ABCA13: variants seen among roughly 807,000 people sequenced by gnomAD.
ABCA13 encodes ATP-binding cassette sub-family A member 13.
Under a neutral mutation model 478.7 loss-of-function variants are expected in ABCA13, and 476 were observed. The ratio of observed to expected loss-of-function variants is 0.99; its 90% CI spans 0.92 to 1.07. The LOEUF (loss-of-function observed/expected upper bound fraction) is 1.07, where lower values mean the gene tolerates loss of function less well. Ranked by LOEUF, ABCA13 falls within the 50% of genes least tolerant of loss-of-function variation. ABCA13 has a pLI of 0.00. For missense variants in ABCA13, 6,060 were observed against 5,910.6 expected (o/e 1.03, Z -0.83); for synonymous variants, 2,252 against 2,158.9 (o/e 1.04, Z -1.20).
At chr7:48,195,962 G>A (rs1348938340) in intron 2 of ABCA13, among the ~76,000 whole-genome samples, 1 of 151,684 alleles carries the variant, frequency 6.6e-6, no homozygotes, top group African/African-American at 2.4e-5. Context: ...CAAAGGGAGT[G>A]AAAAAAGGGA....
At chr7:48,234,545 A>G (rs1444226649) in intron 8 of ABCA13, among the ~76,000 whole-genome samples, 1 of 152,098 alleles carries the variant, frequency 6.6e-6, no homozygotes, top group Non-Finnish European at 1.5e-5. Context: ...AGGTAAAGAG[A>G]TAGTTTTCAT....
At chr7:48,505,290 C>T (rs1017166843) in intron 48 of ABCA13, among the ~76,000 whole-genome samples, 8 of 152,074 alleles carry the variant, frequency 5.3e-5, no homozygotes, top group African/African-American at 1.4e-4. Flanking sequence ...GATGCCTGGT[C>T]GCAAAGCTGT....
At chr7:48,244,784 C>T (rs1389536891) in intron 11 of ABCA13, 81 bp downstream of exon 11, 4 of 1,480,508 alleles carry the variant, frequency 2.7e-6, no homozygotes, top group African/African-American at 1.4e-5. Flanking sequence ...TTGAAACTGC[C>T]TGACACATTG....
intron 59 of ABCA13, among the ~76,000 whole-genome samples, chr7:48,621,755 G>T (rs1793160132): frequency 6.6e-6 from 1 of 152,156 alleles, no homozygotes; most frequent in South Asian, 2.1e-4. Flanking sequence ...CCAAATTAAA[G>T]TTTAAAGAAT....
chr7:48,546,884 A>T (rs902855343), intron 55 of ABCA13, among the ~76,000 whole-genome samples: 2 of 151,764 alleles, frequency 1.3e-5, no homozygotes, highest in African/African-American at 4.8e-5. Flanking sequence ...ACTAATATGA[A>T]TCACAAATTA....
intron 1 of ABCA13, among the ~76,000 whole-genome samples, chr7:48,182,641 A>G (rs1795840783): frequency 6.6e-6 from 1 of 152,220 alleles, no homozygotes; most frequent in Admixed American, 6.5e-5. Context: ...TAGAAAGCCA[A>G]AAAACAACCC....
intron 58 of ABCA13, among the ~76,000 whole-genome samples, chr7:48,599,923 AAG>A (rs1585935076): frequency 5.9e-5 from 1 of 16,836 alleles, no homozygotes; most frequent in South Asian, 1.3e-3. Context: ...TATATACAGC[AAG>A]TCAGCAAGTT....
intron 41 of ABCA13, among the ~76,000 whole-genome samples, chr7:48,421,337 T>C (rs1464100808): frequency 6.6e-6 from 1 of 152,252 alleles, no homozygotes; most frequent in African/African-American, 2.4e-5. Flanking sequence ...ATTTTTCTAA[T>C]TCCATCATTC....
At chr7:48,299,795 G>A (rs1799895767) in intron 23 of ABCA13, among the ~76,000 whole-genome samples, 1 of 152,134 alleles carries the variant, frequency 6.6e-6, no homozygotes, top group African/African-American at 2.4e-5. Context: ...TTCTATTATG[G>A]GAGGGCTGTG....
intron 51 of ABCA13, among the ~76,000 whole-genome samples, chr7:48,511,664 G>A (rs1318695937): frequency 2.6e-5 from 4 of 151,888 alleles, no homozygotes; most frequent in Non-Finnish European, 5.9e-5. Flanking sequence ...AATAGCAAAT[G>A]GAGAAAAGTC....
intron 42 of ABCA13, among the ~76,000 whole-genome samples, chr7:48,453,052 C>G (rs930001185): frequency 6.6e-6 from 1 of 152,096 alleles, no homozygotes; most frequent in Admixed American, 6.5e-5. Context: ...AGTTTAATGA[C>G]ATACTTTTTT....
rs571704298 is a variant in ABCA13 at position 48,295,726 on chromosome 7, G to T, written c.8982G>T (p.Pro2994=). 6.2e-7 allele frequency: 1 copy of T among 1,613,998 alleles called. No homozygotes were observed. The highest frequency in any genetic ancestry group is 1.3e-5 in the African/African-American group (1 of 75,038). Residue 2994 remains proline, a synonymous_variant, in exon 21 of 62, where the codon CCG becomes CCT. Transcript: ENST00000435803. ...FQEIEKIWSS[P]NQLNCESLSK... ...AAATTGAAAAGATATGGTCCTCGCC[G>T]AATCAGCTAAATTGTGAAAGTCTTA... is the stretch of plus-strand genomic sequence containing the variant.
chr7:48,272,723 G>A lies in ABCA13; in HGVS notation c.3057G>A (p.Glu1019=), dbSNP rs1189679366. 1.2e-6 allele frequency: 2 copies of A among 1,610,768 alleles called. No homozygotes were observed. Among genetic ancestry groups the A allele is most frequent in the Non-Finnish European group, 8.5e-7 (1 of 1,178,020 alleles). Reference sequence around the variant, plus strand: ...TTGCATTTTTATTTAAGACAGCAGAGGTTCTTGGGGGAATTTCTAATGTAT... The same window carrying A: ...TTGCATTTTTATTTAAGACAGCAGAAGTTCTTGGGGGAATTTCTAATGTAT... ...KAFAFLFKTA[E]VLGGISNVSY... is the part of the protein sequence containing the mutation. Residue 1019 remains glutamate, a synonymous_variant, in exon 17 of 62, where the codon GAG becomes GAA. Transcript: ENST00000435803.
At chr7:48,322,839 T>G (rs1367691292) in intron 27 of ABCA13, among the ~76,000 whole-genome samples, 1 of 152,144 alleles carries the variant, frequency 6.6e-6, no homozygotes, top group East Asian at 1.9e-4. Flanking sequence ...ACCAAATCCC[T>G]CATTTTGTCC....
intron 59 of ABCA13, among the ~76,000 whole-genome samples, chr7:48,639,289 TCTC>T (rs1426111194): frequency 6.6e-5 from 10 of 152,166 alleles, no homozygotes; most frequent in Non-Finnish European, 1.3e-4. Flanking sequence ...AGTGCCATCC[TCTC>T]CTCCTCTTCA....
chr7:48,289,008 C>T (rs1031657555), intron 20 of ABCA13, among the ~76,000 whole-genome samples: 1 of 152,090 alleles, frequency 6.6e-6, no homozygotes, highest in Admixed American at 6.6e-5. Flanking sequence ...TTTTGTGATC[C>T]ATATTATCTG....
chr7:48,352,422 G>C lies in ABCA13; in HGVS notation c.10623G>C (p.Gly3541=). 6.2e-7 allele frequency: 1 copy of C among 1,613,240 alleles called. No homozygotes were observed. The highest frequency in any genetic ancestry group is 1.1e-5 in the South Asian group (1 of 90,998). The change falls in exon 31 of 62, where the codon GGG becomes GGC. Residue 3541 remains glycine, a synonymous_variant. Coordinates refer to ENST00000435803, the MANE Select transcript of ABCA13 (RefSeq NM_152701.5). ...IERAIILVQT[G]QEALEPAAQT... ...GAGCCATCATTTTGGTGCAGACTGG[G>C]CAGGAAGCCCTGGAACCAGCAGCAC...
chr7:48,389,918 A>G (rs1352017145), intron 37 of ABCA13, among the ~76,000 whole-genome samples: 4 of 152,258 alleles, frequency 2.6e-5, no homozygotes, highest in Non-Finnish European at 5.9e-5. Context: ...AGTTAAAACA[A>G]TGAAGAGGGC....
chr7:48,472,327 T>A (rs1177045744), intron 45 of ABCA13, among the ~76,000 whole-genome samples: 1 of 152,180 alleles, frequency 6.6e-6, no homozygotes, highest in Admixed American at 6.5e-5. Context: ...TAGTGGATGA[T>A]GAGATGCAAT....
Sources: gnomAD v4.1 joint callset for allele counts (sites outside exome capture counted in the v4.1 genomes callset) on GRCh38, gnomAD v4.1.1 for gene constraint, MANE v1.5 for transcripts, NCBI Gene and HGNC (gene_info 2026-07-23, HGNC 2026-07-21) for gene names.